Variants in PCDHA5 observed in about 807,000 individuals in gnomAD.
The protein encoded by PCDHA5 is protocadherin alpha 5, also known as protocadherin alpha-5.
A neutral mutation model predicts 61.6 loss-of-function variants in PCDHA5; 43 were observed. That is an observed-to-expected ratio of 0.70 (90% CI 0.55 to 0.90). PCDHA5 has a LOEUF of 0.90. PCDHA5 is among the 40% of genes least tolerant of loss of function. The pLI, the probability that PCDHA5 is intolerant of heterozygous loss-of-function variation, is 0.00. For synonymous variants in PCDHA5, 627 were observed against 543.9 expected (o/e 1.15, Z -2.13); for missense variants, 1,298 against 1,222.7 (o/e 1.06, Z -0.92).
intron 1 of PCDHA5, among the ~76,000 whole-genome samples, chr5:140,888,585 AC>A (rs1327529840): frequency 4.6e-5 from 7 of 152,358 alleles, no homozygotes; most frequent in African/African-American, 1.4e-4. Flanking sequence ...ATTTGTTAGT[AC>A]ACATTCAGAG....
chr5:140,987,513 A>C (rs1324114239), intron 3 of PCDHA5, among the ~76,000 whole-genome samples: 3 of 152,168 alleles, frequency 2.0e-5, no homozygotes, highest in Non-Finnish European at 4.4e-5. Flanking sequence ...TCTGCCACTC[A>C]GTAATTGTAT....
intron 1 of PCDHA5, chr5:140,857,484 G>T (rs1044921765): frequency 6.3e-7 from 1 of 1,598,534 alleles, no homozygotes; most frequent in Admixed American, 1.7e-5. Context: ...GTGTCTGCGT[G>T]GGACGCGGAC....
intron 3 of PCDHA5, among the ~76,000 whole-genome samples, chr5:140,986,890 G>A (rs965456573): frequency 6.6e-6 from 1 of 152,124 alleles, no homozygotes; most frequent in Non-Finnish European, 1.5e-5. Flanking sequence ...CAAATTCTTA[G>A]GCCCTATCCT....
In PCDHA5 at chr5:140,828,050, G is replaced by C. The variant is rs2150150336; in HGVS notation, c.2352+3923G>C. 3 of 1,545,376 alleles carry C rather than the reference G, an allele frequency of 1.9e-6. No homozygotes were observed. In the Admixed American group the frequency reaches 6.2e-5, roughly 32 times the overall value. ...GGAACATACAGTATTTTATCTTTAT[G>C]CGGAAGATCTTCTAATGGAAATAAA... On this transcript the variant is annotated intron_variant, in intron 1 of 3. Coordinates refer to ENST00000529859, the MANE Select transcript of PCDHA5 (RefSeq NM_018908.3).
At position 140,823,111 on chromosome 5, in the gene PCDHA5, G is replaced by T. The variant is rs2150122430; in HGVS notation, c.1336G>T (p.Asp446Tyr). ...ATASVSVEVA[D>Y]VNDNAPAFAQ... ...CGCCAGCGTGTCTGTGGAAGTGGCC[G>T]ACGTGAACGACAACGCTCCGGCGTT... Residue 446 changes from aspartate (D) to tyrosine (Y), a missense_variant, in exon 1 of 4, where the codon GAC (aspartate) becomes TAC (tyrosine). Coordinates refer to ENST00000529859, the MANE Select transcript of PCDHA5 (RefSeq NM_018908.3). 1.9e-6 allele frequency: 3 copies of T among 1,614,060 alleles called. No homozygotes were observed. Among genetic ancestry groups the T allele is most frequent in the Non-Finnish European group, 1.7e-6 (2 of 1,179,990 alleles).
At chr5:140,906,111 C>T (rs910809345) in intron 1 of PCDHA5, among the ~76,000 whole-genome samples, 1 of 152,100 alleles carries the variant, frequency 6.6e-6, no homozygotes, top group Admixed American at 6.5e-5. Flanking sequence ...TTTCCCAGTC[C>T]ACTGACACAA....
At chr5:140,843,414 T>C (rs2150359498) in intron 1 of PCDHA5, 4 of 1,596,080 alleles carry the variant, frequency 2.5e-6, no homozygotes, top group Non-Finnish European at 3.4e-6. Context: ...GATGTCAACG[T>C]GTACCTGATC....
At chr5:140,914,248 G>T (rs1228200797) in intron 1 of PCDHA5, among the ~76,000 whole-genome samples, 1 of 151,850 alleles carries the variant, frequency 6.6e-6, no homozygotes, top group Non-Finnish European at 1.5e-5. Flanking sequence ...TTTATATCTG[G>T]GTGCTTCAAT....
At position 140,822,588 on chromosome 5, in the gene PCDHA5, C is replaced by T. The variant is rs2150117602; in HGVS notation, c.813C>T (p.Gly271=). 1 of 1,609,664 alleles carries T rather than the reference C, an allele frequency of 6.2e-7. No individual in the cohort carries two copies. The highest frequency in any genetic ancestry group is 1.1e-5 in the South Asian group (1 of 90,988). ...IKLNASDADE[G]INKEIVYFFS... ...TGAACGCCTCAGATGCAGATGAGGG[C>T]ATCAATAAGGAAATAGTGTATTTCT... is the stretch of plus-strand genomic sequence containing the variant. The change falls in exon 1 of 4, where the codon GGC becomes GGT. Residue 271 remains glycine (G), a synonymous_variant. Coordinates refer to ENST00000529859, the MANE Select transcript of PCDHA5 (RefSeq NM_018908.3).
intron 1 of PCDHA5, among the ~76,000 whole-genome samples, chr5:140,912,990 T>C (rs2076154668): frequency 6.6e-6 from 1 of 152,198 alleles, no homozygotes; most frequent in African/African-American, 2.4e-5. Context: ...GAATTCAGTT[T>C]GCTAGTATTT....
In PCDHA5 at chr5:140,877,149, C is replaced by G. The variant is rs2056888845; in HGVS notation, c.2352+53022C>G. The G allele has an allele frequency of 2.5e-6, 4 of 1,613,648 alleles. No individual in the cohort carries two copies. The highest frequency in any genetic ancestry group is 1.1e-5 in the South Asian group (1 of 91,078). On this transcript the variant is annotated intron_variant, in intron 1 of 3. Coordinates refer to ENST00000529859, the MANE Select transcript of PCDHA5 (RefSeq NM_018908.3). ...TGCAGGTGTTCGTGCTGGACGAGAA[C>G]GACAACGCGCCGGCACTGCTGGCGA... is the stretch of plus-strand genomic sequence containing the variant.
chr5:140,876,795 G>A (rs782560755), intron 1 of PCDHA5: 97 of 1,614,108 alleles, frequency 6.0e-5, no homozygotes, highest in Non-Finnish European at 7.5e-5. Context: ...CGGCTAGAGT[G>A]TCCGTGGAGG....
At chr5:140,936,768 G>C (rs1554211177) in intron 1 of PCDHA5, among the ~76,000 whole-genome samples, 2 of 152,042 alleles carry the variant, frequency 1.3e-5, no homozygotes, top group African/African-American at 4.8e-5. Flanking sequence ...AATTGTGTAA[G>C]TTCTCTCACT....
At chr5:140,905,116 C>A (rs570992369) in intron 1 of PCDHA5, among the ~76,000 whole-genome samples, 1 of 152,282 alleles carries the variant, frequency 6.6e-6, no homozygotes, top group Non-Finnish European at 1.5e-5. Context: ...TTGCCTAAGC[C>A]AATGTCTAGA....
chr5:140,877,101 G>A lies in PCDHA5; in HGVS notation c.2352+52974G>A, dbSNP rs375706181. ...TGAGCGCGCGCGACGCCGGCGTGCCGCCTCTGGGCAGCAACGTGACGCTGC... is the reference window on the plus strand; with the variant it reads ...TGAGCGCGCGCGACGCCGGCGTGCCACCTCTGGGCAGCAACGTGACGCTGC... On this transcript the variant is annotated intron_variant, in intron 1 of 3. Transcript: ENST00000529859. 3.3e-5 allele frequency: 53 copies of A among 1,613,354 alleles called. 1 individual carries two copies. The highest frequency in any genetic ancestry group is 4.1e-5 in the Non-Finnish European group (48 of 1,179,850).
At chr5:140,884,503 AGGGAGTT>A (rs782338567) in intron 1 of PCDHA5, 2 of 1,613,940 alleles carry the variant, frequency 1.2e-6, no homozygotes, top group Non-Finnish European at 1.7e-6. Context: ...CCAGCGCGGC[AGGGAGTT>A]GGTCGTACTC....
chr5:140,838,953 TA>T (rs1215369641), intron 1 of PCDHA5, among the ~76,000 whole-genome samples: 1 of 151,860 alleles, frequency 6.6e-6, no homozygotes, highest in Non-Finnish European at 1.5e-5. Flanking sequence ...TAAAATAAAA[TA>T]AAAACCCAGA....
chr5:140,937,371 T>C (rs2153632940), intron 1 of PCDHA5, among the ~76,000 whole-genome samples: 1 of 152,314 alleles, frequency 6.6e-6, no homozygotes, highest in Non-Finnish European at 1.5e-5. Context: ...TCTTAATGTT[T>C]ATGTGTGTGT....
intron 1 of PCDHA5, chr5:140,851,271 T>C: frequency 1.9e-6 from 2 of 1,067,438 alleles, no homozygotes; most frequent in South Asian, 8.1e-5. Flanking sequence ...TCTACTTGTA[T>C]TGTTTATAAG....
Sources: gnomAD v4.1 joint callset for allele counts (sites outside exome capture counted in the v4.1 genomes callset) on GRCh38, gnomAD v4.1.1 for gene constraint, MANE v1.5 for transcripts, NCBI Gene and HGNC (gene_info 2026-07-23, HGNC 2026-07-21) for gene names.